Variants in TMEM132D observed in about 807,000 individuals in gnomAD.
The protein encoded by TMEM132D is transmembrane protein 132D, also known as mature OL transmembrane protein.
Under a neutral mutation model 62.3 loss-of-function variants are expected in TMEM132D, and 21 were observed. The ratio of observed to expected loss-of-function variants is 0.34; its 90% CI spans 0.24 to 0.49. TMEM132D has a LOEUF of 0.49. TMEM132D is among the 20% of genes least tolerant of loss of function. The probability of loss-of-function intolerance (pLI) is 0.99; values close to 1 mark genes in which losing one functional copy is unlikely to be tolerated. For synonymous variants in TMEM132D, 621 were observed against 575.6 expected, an observed-to-expected ratio of 1.08 and a Z score of -1.13; for missense variants, 1,346 against 1,402.8, an observed-to-expected ratio of 0.96 and a Z score of 0.65.
chr12:129,137,262 A>G (rs959024745), intron 5 of TMEM132D, among the ~76,000 whole-genome samples: 2 of 150,962 alleles, frequency 1.3e-5, no homozygotes, highest in Non-Finnish European at 3.0e-5. Flanking sequence ...ACCACCATCA[A>G]CATCACTATC....
intron 3 of TMEM132D, 41 bp downstream of exon 3, chr12:129,531,018 T>C (rs765807818): frequency 1.3e-6 from 2 of 1,491,602 alleles, no homozygotes; most frequent in South Asian, 2.7e-5. Flanking sequence ...AGGCCACATT[T>C]GCAGCTGATC....
chr12:129,074,459 G>A lies in TMEM132D; in HGVS notation c.2716C>T (p.Leu906Phe), dbSNP rs753570003. The A allele has an allele frequency of 5.6e-6, 9 of 1,613,998 alleles. No individual in the cohort carries two copies. The highest frequency in any genetic ancestry group is 4.5e-5 in the East Asian group (2 of 44,878). Residue 906 changes from leucine to phenylalanine, a missense_variant, in exon 9 of 9, where the codon CTT becomes TTT. Coordinates refer to ENST00000422113, the MANE Select transcript of TMEM132D (RefSeq NM_133448.3). ...CTCAGCCCTTTGGATGCCTGCATAA[G>A]GTCATTCCCATCCATTTCCCCATTG... Reference protein sequence around the residue: ...RSNGEMDGNDLMQASKGLSDL... With the variant: ...RSNGEMDGNDFMQASKGLSDL...
chr12:129,752,185 G>A (rs536032824), intron 1 of TMEM132D, among the ~76,000 whole-genome samples: 32 of 152,008 alleles, frequency 2.1e-4, no homozygotes, highest in Non-Finnish European at 3.8e-4. Context: ...AAAAAGGTGT[G>A]AAAATGTTGC....
chr12:129,683,360 C>T (rs1264762796), intron 2 of TMEM132D, among the ~76,000 whole-genome samples: 1 of 152,110 alleles, frequency 6.6e-6, no homozygotes, highest in Non-Finnish European at 1.5e-5. Context: ...AATAATAGCA[C>T]CTACATCATA....
rs1342532709 is a variant in TMEM132D at position 129,779,368 on chromosome 12, A to G, written c.80-78670T>C. On this transcript the variant is annotated intron_variant, in intron 1 of 8. Transcript: ENST00000422113. This position sits in a 1 kb window ranked among gnomAD's most constrained non-coding sequence, Gnocchi z 4.1. ...CAGTGGTGTTATCTCTGCTCACTACAACCTCCACTTCCTGGGTTCAGGTGA... is the reference window on the plus strand; with the variant it reads ...CAGTGGTGTTATCTCTGCTCACTACGACCTCCACTTCCTGGGTTCAGGTGA... 6.6e-6 allele frequency among the ~76,000 whole-genome samples: 1 copy of G among 152,136 alleles called. No homozygotes were observed. The highest frequency in any genetic ancestry group is 1.9e-4 in the East Asian group (1 of 5,188).
At chr12:129,354,411 C>A (rs1256705248) in intron 3 of TMEM132D, among the ~76,000 whole-genome samples, 1 of 151,960 alleles carries the variant, frequency 6.6e-6, no homozygotes, top group Non-Finnish European at 1.5e-5. Context: ...GCAACCTCCA[C>A]CTCCTGGGTT....
chr12:129,373,828 G>T (rs1043572840), intron 3 of TMEM132D, among the ~76,000 whole-genome samples: 2 of 152,058 alleles, frequency 1.3e-5, no homozygotes, highest in African/African-American at 4.8e-5. Context: ...AAAGCCAAAC[G>T]GCCTAAGAAT....
intron 2 of TMEM132D, among the ~76,000 whole-genome samples, chr12:129,675,777 C>T (rs1880613788): frequency 6.6e-6 from 1 of 152,158 alleles, no homozygotes; most frequent in South Asian, 2.1e-4. Flanking sequence ...CAAACACACC[C>T]ACACACAGAC....
chr12:129,473,324 G>GTTTTTTT lies in TMEM132D; in HGVS notation c.1115+57728_1115+57734dup, dbSNP rs751523415. ...TGGCAATAAAGTGATTTTAGTTTTT[G>GTTTTTTT]TTTTTTTTTTTTTTTTTTTTTTGAG... On this transcript the variant is annotated intron_variant, in intron 3 of 8. Coordinates refer to ENST00000422113, the MANE Select transcript of TMEM132D (RefSeq NM_133448.3). 1.9e-3 allele frequency among the ~76,000 whole-genome samples: 155 copies of GTTTTTTT among 81,528 alleles called. 16 individuals carry two copies. Among genetic ancestry groups the GTTTTTTT allele is most frequent in the Admixed American group, 3.3e-3 (17 of 5,138 alleles). 53.5% of individuals were successfully genotyped at this position (81,528 alleles called of 152,430 possible). A position where few individuals can be genotyped will look rare whatever the true frequency, so the allele number is the denominator to read the frequency against.
intron 1 of TMEM132D, among the ~76,000 whole-genome samples, chr12:129,881,932 T>C (rs1001709743): frequency 6.6e-6 from 1 of 151,938 alleles, no homozygotes; most frequent in African/African-American, 2.4e-5. Context: ...ATAACAGGAA[T>C]GAAACAGGGA....
At chr12:129,295,383 G>A (rs138193142) in intron 4 of TMEM132D, among the ~76,000 whole-genome samples, 58 of 151,238 alleles carry the variant, frequency 3.8e-4, no homozygotes, top group African/African-American at 1.3e-3. Flanking sequence ...AGCTAGACTC[G>A]TGCTGCAGAT....
At chr12:129,435,086 C>T (rs1872753372) in intron 3 of TMEM132D, among the ~76,000 whole-genome samples, 2 of 152,254 alleles carry the variant, frequency 1.3e-5, no homozygotes, top group East Asian at 1.9e-4. Flanking sequence ...CTGTTCCTGG[C>T]TTATTTCACT....
In TMEM132D at chr12:129,700,560, G is replaced by C. The variant is rs2137227666; in HGVS notation, c.218C>G (p.Ser73Cys). The C allele has an allele frequency of 6.2e-7, 1 of 1,614,046 alleles. No homozygotes were observed. Among genetic ancestry groups the C allele is most frequent in the Non-Finnish European group, 8.5e-7 (1 of 1,180,022 alleles). Residue 73 changes from serine (S) to cysteine (C), a missense_variant, in exon 2 of 9, where the codon TCC (serine) becomes TGC (cysteine). Physicochemically the swap from Ser to Cys is moderately radical, Grantham distance 112. Transcript: ENST00000422113. ...KEANQDIMRN[S>C]SLQSRVESFL... Reference sequence around the variant, plus strand: ...TGACTCCACCCGGGACTGCAGGCTGGAGTTCCTCATGATATCCTGGTTGGC... The same window carrying C: ...TGACTCCACCCGGGACTGCAGGCTGCAGTTCCTCATGATATCCTGGTTGGC...
At chr12:129,513,525 C>T (rs1875556597) in intron 3 of TMEM132D, among the ~76,000 whole-genome samples, 1 of 152,270 alleles carries the variant, frequency 6.6e-6, no homozygotes, top group Non-Finnish European at 1.5e-5. Flanking sequence ...CACTCTGTCG[C>T]CCGGGCTGGA....
At chr12:129,534,242 T>C (rs1340086181) in intron 2 of TMEM132D, among the ~76,000 whole-genome samples, 4 of 152,130 alleles carry the variant, frequency 2.6e-5, no homozygotes, top group Admixed American at 2.6e-4. Flanking sequence ...ATTTTGAAGA[T>C]ACTTTGCTGT....
intron 1 of TMEM132D, among the ~76,000 whole-genome samples, chr12:129,859,629 G>C (rs185156666): frequency 6.6e-6 from 1 of 152,276 alleles, no homozygotes; most frequent in Admixed American, 6.5e-5. Context: ...CCAATCAGCT[G>C]CCAACGCGGC....
chr12:129,651,785 T>C (rs1879934312), intron 2 of TMEM132D, among the ~76,000 whole-genome samples: 1 of 152,212 alleles, frequency 6.6e-6, no homozygotes, highest in Non-Finnish European at 1.5e-5. Context: ...GAGTCATGCA[T>C]GTATACAGTA....
In TMEM132D at chr12:129,903,919, C is replaced by G. The variant is rs1426698944; in HGVS notation, c.-580G>C. 2.0e-5 allele frequency among the ~76,000 whole-genome samples: 3 copies of G among 147,518 alleles called. No individual in the cohort carries two copies. The highest frequency in any genetic ancestry group is 4.9e-5 in the African/African-American group (2 of 40,974). On this transcript the variant is annotated 5_prime_UTR_variant, in exon 1 of 9. Coordinates refer to ENST00000422113, the MANE Select transcript of TMEM132D (RefSeq NM_133448.3). This position sits in a 1 kb window ranked among gnomAD's most constrained non-coding sequence, Gnocchi z 6.2. ...TCGGGGCTCGGGCGCGCGCGCGCTC[C>G]GGCACCCAAAGTTTGGCGGGTGCGG...
At chr12:129,168,728 C>A (rs1055813495) in intron 5 of TMEM132D, among the ~76,000 whole-genome samples, 11 of 152,264 alleles carry the variant, frequency 7.2e-5, no homozygotes, top group African/African-American at 2.6e-4. Flanking sequence ...TCATCTCTGT[C>A]CTCTACCTTC....
Sources: allele counts gnomAD v4.1 joint callset (sites outside exome capture counted in the v4.1 genomes callset), GRCh38; gene constraint gnomAD v4.1.1; non-coding constraint Gnocchi (gnomAD v3.1); transcripts MANE v1.5; gene names NCBI Gene and HGNC (gene_info 2026-07-23, HGNC 2026-07-21).